PTPN22: variants seen among roughly 807,000 people sequenced by gnomAD.
PTPN22 encodes the protein tyrosine-protein phosphatase non-receptor type 22.
Under a neutral mutation model 103.3 loss-of-function variants are expected in PTPN22, and 85 were observed. That is an observed-to-expected ratio of 0.82 (90% CI 0.69 to 0.99). The LOEUF is 0.99. PTPN22 is among the 50% of genes least tolerant of loss of function. PTPN22 has a pLI of 0.00. For synonymous variants in PTPN22, 323 were observed against 310.2 expected (o/e 1.04, Z -0.43); for missense variants, 865 against 936.9 (o/e 0.92, Z 1.00).
intron 20 of PTPN22, among the ~76,000 whole-genome samples, chr1:113,816,443 A>AG (rs1661158877): frequency 6.6e-6 from 1 of 150,836 alleles, no homozygotes; most frequent in Admixed American, 6.6e-5. Flanking sequence ...AAAGAATTGA[A>AG]AAAAAAAAAC....
Position 113,856,378 on chromosome 1 carries a change from T to C in PTPN22, c.540+4A>G. ...TGAGTTTATCATTCTTATTTTATAC[T>C]TACACTATTGAACTTAACTTTTAGA... On this transcript the variant is annotated splice_donor_region_variant and intron_variant, in intron 7 of 20. Transcript: ENST00000359785. 1 of 1,560,002 alleles carries C rather than the reference T, an allele frequency of 6.4e-7. No homozygotes were observed.
At chr1:113,870,457 T>G (rs116796812) in intron 1 of PTPN22, among the ~76,000 whole-genome samples, 1 of 152,346 alleles carries the variant, frequency 6.6e-6, no homozygotes, top group African/African-American at 2.4e-5. Context: ...ACACCCTATG[T>G]TATCTGATAT....
At chr1:113,843,545 G>T (rs898983918) in intron 11 of PTPN22, among the ~76,000 whole-genome samples, 2 of 152,140 alleles carry the variant, frequency 1.3e-5, no homozygotes, top group Admixed American at 1.3e-4. Context: ...GGAGAATAGG[G>T]AGTTATTGTT....
rs1665362545 is a variant in PTPN22, at chr1:113,859,296, T to C, written c.196+56A>G. The C allele has an allele frequency of 6.4e-6, 10 of 1,561,896 alleles. No individual in the cohort carries two copies. In the East Asian group the frequency reaches 1.3e-4, roughly 21 times the overall value. ...TCAGTAAGCAATGGGTACAAAGAGA[T>C]AGTAATGATTGAATTTGGGAGAAAG... On this transcript the variant is annotated intron_variant, in intron 2 of 20. Coordinates refer to ENST00000359785, the Ensembl canonical transcript of PTPN22.
intron 13 of PTPN22, among the ~76,000 whole-genome samples, chr1:113,835,230 A>G (rs1319732898): frequency 1.3e-5 from 2 of 152,156 alleles, no homozygotes; most frequent in Non-Finnish European, 2.9e-5. Context: ...TAAAAGCTCA[A>G]AAGTAGGGCT....
chr1:113,858,258 A>G (rs1232545014), intron 4 of PTPN22, among the ~76,000 whole-genome samples: 1 of 151,948 alleles, frequency 6.6e-6, no homozygotes, highest in African/African-American at 2.4e-5. Flanking sequence ...GGGTTTTGCA[A>G]TGTTGCCCAG....
chr1:113,850,843 A>G (rs1038988367), intron 10 of PTPN22, among the ~76,000 whole-genome samples: 2 of 152,204 alleles, frequency 1.3e-5, no homozygotes, highest in African/African-American at 4.8e-5. Flanking sequence ...TGTTTTAAAC[A>G]CTTTAAGGTC....
exon 13 of PTPN22, chr1:113,838,136 A>G (rs1261868306): frequency 1.2e-6 from 2 of 1,614,116 alleles, no homozygotes; most frequent in Non-Finnish European, 1.7e-6. Context: ...CATCCCTCAA[A>G]CAAAAGAGAG....
At chr1:113,856,333 G>A in intron 7 of PTPN22, 49 bp downstream of exon 7, 1 of 1,513,400 alleles carries the variant, frequency 6.6e-7, no homozygotes, top group Non-Finnish European at 8.8e-7. Context: ...ATATTTACTT[G>A]CCTGATCTCT....
At chr1:113,831,081 G>A (rs1023259189) in intron 16 of PTPN22, among the ~76,000 whole-genome samples, 2 of 152,064 alleles carry the variant, frequency 1.3e-5, no homozygotes, top group Non-Finnish European at 1.5e-5. Context: ...TGCTGTTAGG[G>A]AATATTCTGA....
At chr1:113,828,661 G>C (rs1662288971) in intron 18 of PTPN22, among the ~76,000 whole-genome samples, 1 of 151,566 alleles carries the variant, frequency 6.6e-6, no homozygotes, top group Non-Finnish European at 1.5e-5. Context: ...TTAAATTTTT[G>C]AGATGACGTC....
At chr1:113,818,384 C>T (rs1419742731) in intron 20 of PTPN22, among the ~76,000 whole-genome samples, 2 of 151,720 alleles carry the variant, frequency 1.3e-5, no homozygotes, top group East Asian at 3.9e-4. Context: ...AAGATGGTCT[C>T]GATCTCTTGA....
chr1:113,831,441 T>C (rs1433686768), intron 16 of PTPN22, among the ~76,000 whole-genome samples: 1 of 152,186 alleles, frequency 6.6e-6, no homozygotes, highest in Non-Finnish European at 1.5e-5. Context: ...TCTGCTTCTA[T>C]CTTTATGGAT....
At chr1:113,820,109 T>A (rs1385076643) in intron 19 of PTPN22, among the ~76,000 whole-genome samples, 1 of 152,164 alleles carries the variant, frequency 6.6e-6, no homozygotes, top group African/African-American at 2.4e-5. Context: ...TGGAATCTCT[T>A]TTTTTATTCC....
chr1:113,869,718 C>T (rs1301938338), intron 1 of PTPN22, among the ~76,000 whole-genome samples: 1 of 152,106 alleles, frequency 6.6e-6, no homozygotes, highest in Non-Finnish European at 1.5e-5. Flanking sequence ...TTAAAAAACA[C>T]AACCAAAATA....
At chr1:113,869,551 C>G (rs1227632017) in intron 1 of PTPN22, among the ~76,000 whole-genome samples, 1 of 152,028 alleles carries the variant, frequency 6.6e-6, no homozygotes, top group Admixed American at 6.6e-5. Context: ...CCTGCCACCA[C>G]GCCCAGCTAA....
At chr1:113,861,687 T>C (rs1665617942) in intron 1 of PTPN22, among the ~76,000 whole-genome samples, 1 of 151,994 alleles carries the variant, frequency 6.6e-6, no homozygotes, top group Non-Finnish European at 1.5e-5. Flanking sequence ...CAGGCTTCAT[T>C]TTTCTCTTCC....
At chr1:113,850,197 A>G (rs1664438978) in intron 10 of PTPN22, among the ~76,000 whole-genome samples, 1 of 135,700 alleles carries the variant, frequency 7.4e-6, no homozygotes, top group African/African-American at 2.8e-5. Context: ...ACTCCATCTC[A>G]AAAGAAGGAA....
At chr1:113,835,494 G>C (rs1304212410) in intron 13 of PTPN22, among the ~76,000 whole-genome samples, 1 of 151,912 alleles carries the variant, frequency 6.6e-6, no homozygotes, top group Non-Finnish European at 1.5e-5. Flanking sequence ...TTCCAGCCTG[G>C]GTGGCAGCAG....
Sources: allele counts gnomAD v4.1 joint callset (sites outside exome capture counted in the v4.1 genomes callset), GRCh38; gene constraint gnomAD v4.1.1; transcripts MANE v1.5; gene names NCBI Gene and HGNC (gene_info 2026-07-23, HGNC 2026-07-21).